XIRP2: variants seen among roughly 807,000 people sequenced by gnomAD.
XIRP2 encodes xin actin-binding repeat-containing protein 2.
XIRP2 carries 236 observed loss-of-function variants against 277.0 expected under a neutral mutation model. That is an observed-to-expected ratio of 0.85 (90% CI 0.77 to 0.95). The LOEUF is 0.95. Among genes scored for constraint, XIRP2 ranks in the 40% least tolerant of loss-of-function variants. The probability of loss-of-function intolerance (pLI) is 0.00; values close to 1 mark genes in which losing one functional copy is unlikely to be tolerated. For synonymous variants in XIRP2, 1,490 were observed against 1,416.5 expected (o/e 1.05, Z -1.17); for missense variants, 4,640 against 4,157.5 (o/e 1.12, Z -3.19).
intron 2 of XIRP2, chr2:167,124,551 G>A (rs1316487828): frequency 6.6e-6 from 1 of 152,194 alleles, no homozygotes; most frequent in African/African-American, 2.4e-5. Context: ...AAAGCAGTAT[G>A]TTAGACTCAG....
intron 3 of XIRP2, among the ~76,000 whole-genome samples, chr2:167,177,291 T>A (rs1261140898): frequency 2.6e-5 from 4 of 152,222 alleles, no homozygotes; most frequent in African/African-American, 9.6e-5. Flanking sequence ...GTTTCTCCTA[T>A]AACCTTGGTT....
At chr2:166,907,883 C>A (rs533664950) in intron 2 of XIRP2, among the ~76,000 whole-genome samples, 1 of 150,882 alleles carries the variant, frequency 6.6e-6, no homozygotes, top group African/African-American at 2.4e-5. Flanking sequence ...TTTGTCTTTG[C>A]GTTAGTTTGC....
chr2:167,198,513 T>C (rs1693585107), intron 3 of XIRP2, among the ~76,000 whole-genome samples: 1 of 152,196 alleles, frequency 6.6e-6, no homozygotes, highest in Non-Finnish European at 1.5e-5. Context: ...TTAAAGCACA[T>C]TAGAAAAACA....
At chr2:167,058,882 T>G (rs1488611872) in intron 2 of XIRP2, among the ~76,000 whole-genome samples, 1 of 152,096 alleles carries the variant, frequency 6.6e-6, no homozygotes, top group Non-Finnish European at 1.5e-5. Flanking sequence ...TAGGAAGAAT[T>G]AAAAGATAGA....
intron 2 of XIRP2, among the ~76,000 whole-genome samples, chr2:167,033,766 G>T (rs1688430534): frequency 2.0e-5 from 3 of 152,092 alleles, no homozygotes; most frequent in African/African-American, 7.2e-5. Flanking sequence ...TCTTATAATA[G>T]TATGCCCTGG....
chr2:167,248,058 A>G lies in XIRP2; in HGVS notation c.6666A>G (p.Val2222=), dbSNP rs1382930321. The G allele has an allele frequency of 6.2e-7, 1 of 1,613,686 alleles. No individual in the cohort carries two copies. Among genetic ancestry groups the G allele is most frequent in the South Asian group, 1.1e-5 (1 of 91,046 alleles). Residue 2222 remains valine, a synonymous_variant, in exon 9 of 11, where the codon GTA becomes GTG. Transcript: ENST00000409195. ...LLPVEQDTSN[V]TEMKVSEKSH... Reference sequence around the variant, plus strand: ...CTGTAGAGCAAGACACATCCAATGTAACAGAAATGAAAGTCTCTGAAAAAA... The same window carrying G: ...CTGTAGAGCAAGACACATCCAATGTGACAGAAATGAAAGTCTCTGAAAAAA...
At chr2:167,101,101 G>A (rs71428966) in intron 2 of XIRP2, among the ~76,000 whole-genome samples, 7,228 of 151,880 alleles carry the variant, frequency 0.048, 282 homozygotes, top group Non-Finnish European at 0.062. Flanking sequence ...TTTTCTCCCT[G>A]TATTCTAATT....
chr2:167,249,562 G>T lies in XIRP2; in HGVS notation c.8170G>T (p.Glu2724Ter). The T allele has an allele frequency of 1.9e-6, 3 of 1,613,654 alleles. No individual in the cohort carries two copies. In the African/African-American group the frequency reaches 4.0e-5, roughly 22 times the overall value. Residue 2724 changes from glutamate to a stop codon, truncating the protein, a stop_gained, in exon 9 of 11, where the codon GAA (glutamate) becomes TAA (stop). Coordinates refer to ENST00000409195, the MANE Select transcript of XIRP2 (RefSeq NM_152381.6). LOFTEE classifies it high-confidence loss of function. ...TCCAACTCTAGATCATACATTAAATGAAACAGACCACAGCTATGAAAGTCA... is the reference window on the plus strand; with the variant it reads ...TCCAACTCTAGATCATACATTAAATTAAACAGACCACAGCTATGAAAGTCA... ...KLPTLDHTLN[E>*]TDHSYESHKQ...
intron 3 of XIRP2, among the ~76,000 whole-genome samples, chr2:167,169,600 C>G (rs73021990): frequency 6.6e-6 from 1 of 152,118 alleles, no homozygotes; most frequent in Non-Finnish European, 1.5e-5. Flanking sequence ...TTTGACTTCT[C>G]AAGACTGAGT....
intron 2 of XIRP2, among the ~76,000 whole-genome samples, chr2:167,024,695 G>C (rs1223748142): frequency 6.6e-6 from 1 of 152,082 alleles, no homozygotes; most frequent in East Asian, 1.9e-4. Context: ...GGCCTTTTCT[G>C]CATCTATTGA....
chr2:167,079,981 T>C (rs1416622580), intron 2 of XIRP2, among the ~76,000 whole-genome samples: 3 of 152,092 alleles, frequency 2.0e-5, no homozygotes, highest in Non-Finnish European at 4.4e-5. Flanking sequence ...TGTTAGATTT[T>C]TAATTTGAGA....
In XIRP2 at chr2:167,243,510, G is replaced by T. The variant is rs201031516; in HGVS notation, c.2118G>T (p.Gln706His). 133 of 1,613,932 alleles carry T rather than the reference G, an allele frequency of 8.2e-5. No homozygotes were observed. Among genetic ancestry groups the T allele is most frequent in the African/African-American group, 1.5e-4 (11 of 74,936 alleles). ...CTCAACATCTAGATCAACTTGGACAGCTTCATTCAGTGGATGAGGTTCATT... is the reference window on the plus strand; with the variant it reads ...CTCAACATCTAGATCAACTTGGACATCTTCATTCAGTGGATGAGGTTCATT... ...FETQHLDQLG[Q>H]LHSVDEVHLL... The change falls in exon 9 of 11, where the codon CAG becomes CAT. Residue 706 changes from glutamine to histidine, a missense_variant. Physicochemically the swap from Gln to His is conservative, Grantham distance 24. Transcript: ENST00000409195.
In XIRP2 at chr2:167,246,876, T is replaced by G. The variant is rs1445464827; in HGVS notation, c.5484T>G (p.Phe1828Leu). ...KVFMTEPQST[F>L]GKIPKEEIIK... ...TTATGACCGAGCCTCAGAGTACATT[T>G]GGTAAGATACCCAAAGAAGAGATTA... The change falls in exon 9 of 11, where the codon TTT becomes TTG. Residue 1828 changes from phenylalanine (F) to leucine (L), a missense_variant. Transcript: ENST00000409195. The G allele has an allele frequency of 1.2e-6, 2 of 1,613,702 alleles. No individual in the cohort carries two copies. Among genetic ancestry groups the G allele is most frequent in the African/African-American group, 2.7e-5 (2 of 74,996 alleles).
intron 3 of XIRP2, among the ~76,000 whole-genome samples, chr2:167,143,484 T>C (rs186941005): frequency 6.0e-4 from 92 of 152,270 alleles, no homozygotes; most frequent in African/African-American, 2.2e-3. Flanking sequence ...CATGAAGGGA[T>C]ACGGAAAGTA....
intron 1 of XIRP2, among the ~76,000 whole-genome samples, chr2:166,895,252 G>T (rs116239833): frequency 6.6e-6 from 1 of 152,290 alleles, no homozygotes; most frequent in African/African-American, 2.4e-5. Context: ...CACATTGGTT[G>T]TATTATGCCC....
chr2:167,046,656 A>G (rs902601480), intron 2 of XIRP2, among the ~76,000 whole-genome samples: 6 of 152,024 alleles, frequency 3.9e-5, no homozygotes, highest in African/African-American at 1.4e-4. Flanking sequence ...CATTTTCCTA[A>G]ATGACTTGAC....
chr2:167,066,129 C>T (rs2105245199), intron 2 of XIRP2, among the ~76,000 whole-genome samples: 1 of 151,884 alleles, frequency 6.6e-6, no homozygotes, highest in East Asian at 1.9e-4. Context: ...TTTAAGTGCA[C>T]AAGACAGTAT....
intron 2 of XIRP2, among the ~76,000 whole-genome samples, chr2:166,988,715 GA>G (rs1687086715): frequency 1.1e-5 from 1 of 87,650 alleles, no homozygotes; most frequent in Non-Finnish European, 2.2e-5. Context: ...GACGCACCTG[GA>G]AAATCGGGTC....
chr2:167,248,195 A>T lies in XIRP2; in HGVS notation c.6803A>T (p.Glu2268Val). The T allele has an allele frequency of 1.2e-6, 2 of 1,613,766 alleles. No homozygotes were observed. Among genetic ancestry groups the T allele is most frequent in the Non-Finnish European group, 1.7e-6 (2 of 1,179,802 alleles). ...TCCACAGGCTTAAAAATGGCAATGG[A>T]AAGGTCCTTGAATCCAATCAACTTT... is the stretch of plus-strand genomic sequence containing the variant. Reference protein sequence around the residue: ...NTSTGLKMAMERSLNPINFNP... With the variant: ...NTSTGLKMAMVRSLNPINFNP... The change falls in exon 9 of 11, where the codon GAA becomes GTA. Residue 2268 changes from glutamate to valine, a missense_variant. Transcript: ENST00000409195.
Sources: gnomAD v4.1 joint callset for allele counts (sites outside exome capture counted in the v4.1 genomes callset) on GRCh38, gnomAD v4.1.1 for gene constraint, MANE v1.5 for transcripts, NCBI Gene and HGNC (gene_info 2026-07-23, HGNC 2026-07-21) for gene names.